The following GNG12 variants were observed in gnomAD, a reference collection of about 807,000 sequenced individuals.
The protein encoded by GNG12 is guanine nucleotide-binding protein G(I)/G(S)/G(O) subunit gamma-12.
For synonymous variants in GNG12, 28 were observed against 29.7 expected (o/e 0.94, Z 0.19); for missense variants, 69 against 83.8 (o/e 0.82, Z 0.69).
intron 1 of GNG12, among the ~76,000 whole-genome samples, chr1:67,784,571 A>C (rs2490306): frequency 0.28 from 42,326 of 151,940 alleles, 6,420 homozygotes; most frequent in Non-Finnish European, 0.34. Context: ...CAACATTTTT[A>C]CATGTTTGTT....
At position 67,705,121 on chromosome 1, in the gene GNG12, T is replaced by C. The variant is rs531973346; in HGVS notation, c.*330A>G. 10 of 179,894 alleles carry C rather than the reference T, an allele frequency of 5.6e-5. No individual in the cohort carries two copies. In the South Asian group the frequency reaches 1.4e-3, roughly 25 times the overall value. 11.1% of individuals were successfully genotyped at this position (179,894 alleles called of 1,614,324 possible). A position where few individuals can be genotyped will look rare whatever the true frequency, so the allele number is the denominator to read the frequency against. The stretch of plus-strand genomic sequence containing the variant: ...TAATTTGACAGGTGCTTAGGCCATT[T>C]AGGTCCTGACATATCGGAATCCCTT... On this transcript the variant is annotated 3_prime_UTR_variant, in exon 4 of 4. Transcript: ENST00000370982.
intron 2 of GNG12, among the ~76,000 whole-genome samples, chr1:67,710,310 G>C (rs1646287931): frequency 1.4e-5 from 2 of 146,006 alleles, no homozygotes; most frequent in South Asian, 4.3e-4. Context: ...CGCTGGTTCT[G>C]AGGCCCCCAG....
In GNG12 at chr1:67,710,078, A is replaced by ATATATATATAGTTATATATATAGT. The variant is rs1272589426; in HGVS notation, c.-26-2390_-26-2367dup. On this transcript the variant is annotated intron_variant, in intron 2 of 3. Coordinates refer to ENST00000370982, the MANE Select transcript of GNG12 (RefSeq NM_018841.6). ...TATATATATAGTTATATATATAGTT[A>ATATATATATAGTTATATATATAGT]TATATATATAGTTATATATATAGTT... Among the ~76,000 whole-genome samples, 19 of 23,088 alleles carry ATATATATATAGTTATATATATAGT rather than the reference A, an allele frequency of 8.2e-4. 1 individual carries two copies. The highest frequency in any genetic ancestry group is 8.9e-4 in the Non-Finnish European group (12 of 13,512). 15.1% of individuals were successfully genotyped at this position (23,088 alleles called of 152,430 possible).
At chr1:67,769,196 G>A (rs529075899) in intron 2 of GNG12, among the ~76,000 whole-genome samples, 8 of 152,318 alleles carry the variant, frequency 5.3e-5, no homozygotes, top group African/African-American at 1.9e-4. Flanking sequence ...TTCCCAGCAT[G>A]TGTCACTTGC....
At chr1:67,724,940 A>C (rs747395455) in intron 2 of GNG12, among the ~76,000 whole-genome samples, 14 of 152,238 alleles carry the variant, frequency 9.2e-5, no homozygotes, top group Non-Finnish European at 2.1e-4. Context: ...GATAATTAAC[A>C]TTATCAGTTA....
chr1:67,798,456 A>G (rs1570558257), intron 1 of GNG12, among the ~76,000 whole-genome samples: 1 of 152,134 alleles, frequency 6.6e-6, no homozygotes, highest in African/African-American at 2.4e-5. Flanking sequence ...CTGTATTGAA[A>G]TATTTTTAGA....
intron 1 of GNG12, among the ~76,000 whole-genome samples, chr1:67,808,221 A>G (rs1003975997): frequency 6.6e-6 from 1 of 152,148 alleles, no homozygotes; most frequent in African/African-American, 2.4e-5. Context: ...TCGTATCAAC[A>G]GATGCAGAAA....
intron 2 of GNG12, among the ~76,000 whole-genome samples, chr1:67,771,548 G>C (rs912868032): frequency 6.6e-6 from 1 of 152,156 alleles, no homozygotes; most frequent in African/African-American, 2.4e-5. Context: ...TCCTCCTCGC[G>C]AGTCCCTGAG....
intron 2 of GNG12, among the ~76,000 whole-genome samples, chr1:67,708,779 G>A (rs1276730141): frequency 6.6e-6 from 1 of 152,220 alleles, no homozygotes; most frequent in Admixed American, 6.5e-5. Context: ...ATGGGAGCAG[G>A]TGGACAGTAG....
chr1:67,802,399 CA>C (rs1382884421), intron 1 of GNG12, among the ~76,000 whole-genome samples: 4 of 152,130 alleles, frequency 2.6e-5, no homozygotes, highest in Non-Finnish European at 4.4e-5. Context: ...CCTTGTCGGC[CA>C]GGCACATATT....
At chr1:67,808,832 A>T (rs574268001) in intron 1 of GNG12, among the ~76,000 whole-genome samples, 1 of 152,342 alleles carries the variant, frequency 6.6e-6, no homozygotes, top group East Asian at 1.9e-4. Flanking sequence ...GTTCACAGAC[A>T]GGAAAACACA....
chr1:67,754,713 A>T (rs994569085), intron 2 of GNG12, among the ~76,000 whole-genome samples: 1 of 152,198 alleles, frequency 6.6e-6, no homozygotes, highest in Admixed American at 6.5e-5. Context: ...GCAGGAAGCC[A>T]CAGCACCTCC....
chr1:67,774,615 C>T (rs1318327766), intron 2 of GNG12, among the ~76,000 whole-genome samples: 1 of 152,154 alleles, frequency 6.6e-6, no homozygotes, highest in Non-Finnish European at 1.5e-5. Context: ...CCCTACGCTC[C>T]ATTCTCCATG....
At chr1:67,726,746 T>TGC (rs1646388708) in intron 2 of GNG12, among the ~76,000 whole-genome samples, 1 of 152,254 alleles carries the variant, frequency 6.6e-6, no homozygotes, top group Non-Finnish European at 1.5e-5. Flanking sequence ...ATAACATTTC[T>TGC]GCACAACATC....
chr1:67,744,706 T>C (rs1646499269), intron 2 of GNG12, among the ~76,000 whole-genome samples: 1 of 152,166 alleles, frequency 6.6e-6, no homozygotes, highest in African/African-American at 2.4e-5. Flanking sequence ...TCATCCTCAC[T>C]AGAACCCTAC....
chr1:67,758,637 T>C (rs1208436018), intron 2 of GNG12, among the ~76,000 whole-genome samples: 5 of 152,140 alleles, frequency 3.3e-5, no homozygotes, highest in African/African-American at 1.2e-4. Flanking sequence ...TTTTAGATGC[T>C]TGAAAGATGA....
At chr1:67,809,531 C>T (rs1239022467) in intron 1 of GNG12, among the ~76,000 whole-genome samples, 2 of 152,090 alleles carry the variant, frequency 1.3e-5, no homozygotes, top group Admixed American at 6.6e-5. Flanking sequence ...GAAGACACTT[C>T]TGATAAAGGA....
intron 2 of GNG12, among the ~76,000 whole-genome samples, chr1:67,719,429 A>T (rs554122537): frequency 6.6e-6 from 1 of 152,218 alleles, no homozygotes; most frequent in Non-Finnish European, 1.5e-5. Context: ...CTAATGCCCT[A>T]AAACTGTATG....
In GNG12 at chr1:67,777,481, T is replaced by C. The variant is rs994805495; in HGVS notation, c.-50A>G. The C allele has an allele frequency of 2.2e-6, 2 of 920,090 alleles. No individual in the cohort carries two copies. The highest frequency in any genetic ancestry group is 2.6e-6 in the Non-Finnish European group (2 of 770,280). The allele number at this position is 920,090 out of a possible 1,614,324, so 57.0% of individuals were successfully genotyped here. ...ACCAGTAAGACTTTGTGTGGTCCAA[T>C]GTTTTCAGGTTTTAAGTGGAATGAA... is the stretch of plus-strand genomic sequence containing the variant. On this transcript the variant is annotated 5_prime_UTR_variant, in exon 2 of 4. Transcript: ENST00000370982.
Sources: allele counts gnomAD v4.1 joint callset (sites outside exome capture counted in the v4.1 genomes callset), GRCh38; gene constraint gnomAD v4.1.1; transcripts MANE v1.5; gene names NCBI Gene and HGNC (gene_info 2026-07-23, HGNC 2026-07-21).